The following SGCZ variants were observed in gnomAD, a reference collection of about 807,000 sequenced individuals.
SGCZ encodes the protein zeta-sarcoglycan.
A neutral mutation model predicts 41.3 loss-of-function variants in SGCZ; 40 were observed. The observed-to-expected ratio is 0.97, with a 90% CI of 0.75 to 1.26. The LOEUF (loss-of-function observed/expected upper bound fraction) is 1.26. Among genes scored for constraint, SGCZ ranks in the 50% most tolerant of loss-of-function variants. The probability of loss-of-function intolerance (pLI) is 0.00; values close to 1 mark genes in which losing one functional copy is unlikely to be tolerated. For missense variants in SGCZ, 552 were observed against 369.8 expected, an observed-to-expected ratio of 1.49 and a Z score of -4.04; for synonymous variants, 206 against 137.5, an observed-to-expected ratio of 1.50 and a Z score of -3.49.
intron 1 of SGCZ, among the ~76,000 whole-genome samples, chr8:15,103,853 G>T (rs1458441286): frequency 6.6e-6 from 1 of 152,070 alleles, no homozygotes; most frequent in Non-Finnish European, 1.5e-5. Flanking sequence ...AAATCTAATT[G>T]GGCATGCAAA....
chr8:14,132,120 G>T (rs1803059882), intron 5 of SGCZ, among the ~76,000 whole-genome samples: 1 of 152,086 alleles, frequency 6.6e-6, no homozygotes, highest in Admixed American at 6.6e-5. Context: ...CCCTTAGCCT[G>T]TCTTCAACTT....
At chr8:14,996,787 T>A (rs1802235576) in intron 1 of SGCZ, among the ~76,000 whole-genome samples, 1 of 152,216 alleles carries the variant, frequency 6.6e-6, no homozygotes, top group Admixed American at 6.5e-5. Context: ...AGAAACACTA[T>A]ATGCCAAACA....
intron 1 of SGCZ, among the ~76,000 whole-genome samples, chr8:14,993,090 T>C (rs186590870): frequency 3.5e-4 from 53 of 152,276 alleles, no homozygotes; most frequent in African/African-American, 1.2e-3. Flanking sequence ...CTCTCATACA[T>C]CCTCTTCATA....
At chr8:14,895,296 A>C (rs1392832548) in intron 1 of SGCZ, among the ~76,000 whole-genome samples, 1 of 152,020 alleles carries the variant, frequency 6.6e-6, no homozygotes, top group African/African-American at 2.4e-5. Flanking sequence ...TTGTTAGTGT[A>C]CTCATCTCTT....
At chr8:14,462,986 T>C (rs147352540) in intron 2 of SGCZ, among the ~76,000 whole-genome samples, 71 of 151,950 alleles carry the variant, frequency 4.7e-4, no homozygotes, top group African/African-American at 1.7e-3. Flanking sequence ...TCTTTTCAAA[T>C]GGTTTATTTT....
intron 1 of SGCZ, among the ~76,000 whole-genome samples, chr8:15,058,640 C>T (rs1235964437): frequency 1.3e-5 from 2 of 152,178 alleles, no homozygotes; most frequent in African/African-American, 4.8e-5. Context: ...TCCCCTGGAG[C>T]TCTTCTTCCC....
intron 1 of SGCZ, chr8:14,879,730 T>G (rs2130720285): frequency 6.6e-6 from 1 of 152,008 alleles, no homozygotes; most frequent in South Asian, 2.1e-4. Context: ...ACTATGCACA[T>G]GAGATGTCCT....
At chr8:15,230,811 C>T (rs1341420489) in intron 1 of SGCZ, among the ~76,000 whole-genome samples, 4 of 152,202 alleles carry the variant, frequency 2.6e-5, no homozygotes, top group Non-Finnish European at 4.4e-5. Flanking sequence ...TAGGTTGTTT[C>T]GAAGACATTG....
intron 2 of SGCZ, among the ~76,000 whole-genome samples, chr8:14,399,796 G>T (rs570002490): frequency 6.6e-6 from 1 of 152,144 alleles, no homozygotes; most frequent in South Asian, 2.1e-4. Context: ...CTAACAAATA[G>T]CTGATAATAT....
intron 4 of SGCZ, among the ~76,000 whole-genome samples, chr8:14,233,502 A>G (rs1352209245): frequency 6.6e-6 from 1 of 150,468 alleles, no homozygotes; most frequent in Non-Finnish European, 1.5e-5. Context: ...TTACTACAGA[A>G]TTATTATTAG....
chr8:14,769,304 AC>A (rs888883488), intron 1 of SGCZ, among the ~76,000 whole-genome samples: 2 of 152,064 alleles, frequency 1.3e-5, no homozygotes, highest in Non-Finnish European at 1.5e-5. Flanking sequence ...CATGTGAAAA[AC>A]CCTTTCTGCA....
At chr8:14,394,426 G>A (rs1307623596) in intron 2 of SGCZ, among the ~76,000 whole-genome samples, 1 of 152,102 alleles carries the variant, frequency 6.6e-6, no homozygotes, top group Non-Finnish European at 1.5e-5. Context: ...TGGGATTACA[G>A]GCATGAGCCA....
At chr8:14,628,471 A>T (rs1806536725) in intron 1 of SGCZ, among the ~76,000 whole-genome samples, 2 of 152,074 alleles carry the variant, frequency 1.3e-5, no homozygotes, top group African/African-American at 4.8e-5. Flanking sequence ...AAAACTGTTT[A>T]AAAAATTTGC....
intron 1 of SGCZ, among the ~76,000 whole-genome samples, chr8:15,180,211 A>G (rs1013551751): frequency 6.6e-6 from 1 of 152,154 alleles, no homozygotes; most frequent in African/African-American, 2.4e-5. Context: ...AAACAGGGAA[A>G]TAATCCACAC....
intron 1 of SGCZ, among the ~76,000 whole-genome samples, chr8:15,038,134 C>T (rs1251319804): frequency 2.0e-5 from 3 of 151,824 alleles, no homozygotes; most frequent in African/African-American, 7.3e-5. Context: ...TCACAAAAGA[C>T]ATGGAATAAC....
At chr8:15,219,967 T>C (rs1051195739) in intron 1 of SGCZ, among the ~76,000 whole-genome samples, 97 of 152,304 alleles carry the variant, frequency 6.4e-4, no homozygotes, top group Non-Finnish European at 3.2e-4. Context: ...GAAAAGCAGA[T>C]ACTCATTTGT....
intron 1 of SGCZ, among the ~76,000 whole-genome samples, chr8:14,812,367 C>G (rs1801762894): frequency 6.6e-6 from 1 of 151,902 alleles, no homozygotes; most frequent in Non-Finnish European, 1.5e-5. Flanking sequence ...ATTCAAATTG[C>G]CTATGAATTG....
intron 1 of SGCZ, among the ~76,000 whole-genome samples, chr8:15,162,009 T>A (rs1463961662): frequency 2.6e-5 from 4 of 152,162 alleles, no homozygotes. Context: ...CCAGCCTGGG[T>A]AACAGCGTGA....
chr8:14,569,051 G>A, intron 1 of SGCZ, among the ~76,000 whole-genome samples: 1 of 152,118 alleles, frequency 6.6e-6, no homozygotes, highest in East Asian at 1.9e-4. Flanking sequence ...GACTGGTAAA[G>A]GAAGCTTTCG....
Sources: gnomAD v4.1 joint callset for allele counts (sites outside exome capture counted in the v4.1 genomes callset) on GRCh38, gnomAD v4.1.1 for gene constraint, MANE v1.5 for transcripts, NCBI Gene and HGNC (gene_info 2026-07-23, HGNC 2026-07-21) for gene names.